The following BACH2 variants were observed in gnomAD, a reference collection of about 807,000 sequenced individuals.
The protein encoded by BACH2 is BACH transcriptional regulator 2.
In BACH2, 5 loss-of-function variants were observed where a neutral mutation model predicts 61.8. That is an observed-to-expected ratio of 0.08 (90% CI 0.04 to 0.17). The LOEUF (loss-of-function observed/expected upper bound fraction) is 0.17. Among genes scored for constraint, BACH2 ranks in the 10% least tolerant of loss-of-function variants. BACH2 has a pLI of 1.00. For synonymous variants in BACH2, 446 were observed against 440.1 expected (o/e 1.01, Z -0.17); for missense variants, 824 against 1,091.1 (o/e 0.76, Z 3.45).
intron 5 of BACH2, among the ~76,000 whole-genome samples, chr6:90,057,824 A>G (rs201391271): frequency 4.6e-5 from 7 of 152,188 alleles, no homozygotes; most frequent in Non-Finnish European, 7.3e-5. Flanking sequence ...TTCAACATAC[A>G]CAAATCAGTA....
chr6:90,201,207 T>A (rs1259877115), intron 4 of BACH2, among the ~76,000 whole-genome samples: 1 of 152,190 alleles, frequency 6.6e-6, no homozygotes, highest in Non-Finnish European at 1.5e-5. Flanking sequence ...GAGTTAATGT[T>A]CTAGAAATGG....
chr6:89,950,897 G>C lies in BACH2; in HGVS notation c.1209C>G (p.Ser403=). The change falls in exon 7 of 9, where the codon TCC becomes TCG. Residue 403 remains serine, a synonymous_variant. Transcript: ENST00000257749. The surrounding 1 kb of genome is among the most constrained non-coding windows in gnomAD (Gnocchi z 5.3). ...GQPHVGQKEV[S]NFTMGSPLRG... ...TGAGGGGCGACCCCATGGTGAAGTT[G>C]GACACCTCCTTCTGGCCCACGTGGG... 1.3e-6 allele frequency: 2 copies of C among 1,599,448 alleles called. No individual in the cohort carries two copies. The highest frequency in any genetic ancestry group is 1.7e-6 in the Non-Finnish European group (2 of 1,172,180).
At position 89,943,941 on chromosome 6, in the gene BACH2, G is replaced by A. The variant is rs367652031; in HGVS notation, c.1837-5591C>T. Reference sequence around the variant, plus strand: ...AGATCCCAGGGAGCTGTCGAGGGAGGAAGCAATATGCCCATTGGAGATGAT... The same window carrying A: ...AGATCCCAGGGAGCTGTCGAGGGAGAAAGCAATATGCCCATTGGAGATGAT... On this transcript the variant is annotated intron_variant, in intron 7 of 8. Transcript: ENST00000257749. 2.4e-4 allele frequency among the ~76,000 whole-genome samples: 36 copies of A among 152,334 alleles called. No homozygotes were observed. The East Asian group carries it at 6.7e-3, about 29-fold the overall frequency.
At chr6:90,215,833 T>C (rs1001817644) in intron 3 of BACH2, among the ~76,000 whole-genome samples, 1 of 152,104 alleles carries the variant, frequency 6.6e-6, no homozygotes, top group African/African-American at 2.4e-5. Flanking sequence ...GCCCAGGCCT[T>C]GAGAAACCTA....
chr6:90,239,424 G>A (rs534783506), intron 3 of BACH2, among the ~76,000 whole-genome samples: 7 of 152,272 alleles, frequency 4.6e-5, no homozygotes, highest in South Asian at 4.1e-4. Flanking sequence ...GAAAACAAGC[G>A]AAAGATCAGC....
chr6:90,155,334 C>G (rs1784960727), intron 4 of BACH2, among the ~76,000 whole-genome samples: 1 of 152,194 alleles, frequency 6.6e-6, no homozygotes, highest in Non-Finnish European at 1.5e-5. Context: ...TTATGTTTAA[C>G]TATAAACACA....
In BACH2 at chr6:89,951,176, G is replaced by T. The variant is rs748718575; in HGVS notation, c.930C>A (p.Asp310Glu). 1 of 1,613,686 alleles carries T rather than the reference G, an allele frequency of 6.2e-7. No homozygotes were observed. The highest frequency in any genetic ancestry group is 1.1e-5 in the South Asian group (1 of 91,066). The stretch of plus-strand genomic sequence containing the variant: ...TAGGGGCAGGGCTGGGCTGTTTCCG[G>T]TCCATCTCGACATCCCCCGCTCTGT... ...AKDRAGDVEM[D>E]RKQPSPAPTP... Residue 310 changes from aspartate to glutamate, a missense_variant, in exon 7 of 9, where the codon GAC becomes GAA. Physicochemically the swap from Asp to Glu is conservative, Grantham distance 45. Transcript: ENST00000257749. This position sits in a 1 kb window ranked among gnomAD's most constrained non-coding sequence, Gnocchi z 6.4.
chr6:89,971,368 C>T (rs1775349519), intron 6 of BACH2, among the ~76,000 whole-genome samples: 2 of 152,170 alleles, frequency 1.3e-5, no homozygotes, highest in Admixed American at 1.3e-4. Flanking sequence ...TACAAATCAC[C>T]TTATCCCTTT....
chr6:90,261,208 T>C (rs1209841007), intron 2 of BACH2, among the ~76,000 whole-genome samples: 1 of 152,144 alleles, frequency 6.6e-6, no homozygotes, highest in African/African-American at 2.4e-5. Flanking sequence ...AAAACTGAGT[T>C]GTCCTTTGTC....
intron 3 of BACH2, among the ~76,000 whole-genome samples, chr6:90,251,482 ACTCAG>A (rs1770808381): frequency 1.4e-5 from 2 of 147,364 alleles, no homozygotes; most frequent in Non-Finnish European, 1.5e-5. Flanking sequence ...AAAAATAGCC[ACTCAG>A]TACTCTGAAA....
chr6:90,055,755 A>G (rs1027454093), intron 5 of BACH2, among the ~76,000 whole-genome samples: 4 of 152,182 alleles, frequency 2.6e-5, no homozygotes, highest in African/African-American at 9.7e-5. Flanking sequence ...AGGGAAGCCC[A>G]ACAGACTAAC....
chr6:90,243,573 A>G (rs1582525309), intron 3 of BACH2, among the ~76,000 whole-genome samples: 1 of 152,212 alleles, frequency 6.6e-6, no homozygotes, highest in African/African-American at 2.4e-5. Flanking sequence ...GACTAGCATT[A>G]TGGTCTTTAC....
intron 6 of BACH2, among the ~76,000 whole-genome samples, chr6:89,987,915 G>A (rs1332796925): frequency 6.6e-6 from 1 of 152,140 alleles, no homozygotes; most frequent in African/African-American, 2.4e-5. Context: ...AGAAAGACAA[G>A]GTTGATAGTA....
intron 4 of BACH2, among the ~76,000 whole-genome samples, chr6:90,118,541 G>A (rs1426733893): frequency 6.6e-6 from 1 of 152,124 alleles, no homozygotes; most frequent in Non-Finnish European, 1.5e-5. Flanking sequence ...CTATCTATAT[G>A]TACCTCTTGT....
intron 4 of BACH2, among the ~76,000 whole-genome samples, chr6:90,151,463 A>AT (rs1784809314): frequency 6.6e-6 from 1 of 151,760 alleles, no homozygotes; most frequent in Non-Finnish European, 1.5e-5. Flanking sequence ...TAAAAACTAA[A>AT]TTTTTTTTGT....
intron 3 of BACH2, among the ~76,000 whole-genome samples, chr6:90,228,296 C>CAGT (rs1769981795): frequency 6.6e-6 from 1 of 152,208 alleles, no homozygotes; most frequent in Admixed American, 6.5e-5. Context: ...TTAAACACTA[C>CAGT]AGGCACATCA....
At chr6:89,934,247 A>T (rs990674617) in intron 8 of BACH2, among the ~76,000 whole-genome samples, 15 of 152,146 alleles carry the variant, frequency 9.9e-5, no homozygotes, top group Non-Finnish European at 1.9e-4. Context: ...AGGTTCTGAG[A>T]TGTTCTTCTC....
intron 5 of BACH2, among the ~76,000 whole-genome samples, chr6:90,083,554 T>C (rs942894882): frequency 4.6e-5 from 7 of 152,200 alleles, no homozygotes; most frequent in African/African-American, 1.7e-4. Context: ...TTCAAAAGTA[T>C]GCCGTTGGTT....
At chr6:90,065,739 T>A (rs2127800083) in intron 5 of BACH2, among the ~76,000 whole-genome samples, 1 of 152,270 alleles carries the variant, frequency 6.6e-6, no homozygotes, top group East Asian at 1.9e-4. Context: ...GGAAGTGTTG[T>A]TACACAGCTA....
Sources: gnomAD v4.1 joint callset for allele counts (sites outside exome capture counted in the v4.1 genomes callset) on GRCh38, gnomAD v4.1.1 for gene constraint, Gnocchi (gnomAD v3.1) non-coding constraint, MANE v1.5 for transcripts, NCBI Gene and HGNC (gene_info 2026-07-23, HGNC 2026-07-21) for gene names.